The following CPAMD8 variants were observed in gnomAD, a reference collection of about 807,000 sequenced individuals.
The protein encoded by CPAMD8 is C3 and PZP like alpha-2-macroglobulin domain containing 8, also known as C3 and PZP-like alpha-2-macroglobulin domain-containing protein 8.
A neutral mutation model predicts 224.7 loss-of-function variants in CPAMD8; 146 were observed. The ratio of observed to expected loss-of-function variants is 0.65; its 90% CI spans 0.57 to 0.75. The LOEUF is 0.75. Among genes scored for constraint, CPAMD8 ranks in the 30% least tolerant of loss-of-function variants. CPAMD8 has a pLI of 0.00. For missense variants in CPAMD8, 2,301 were observed against 2,537.5 expected (o/e 0.91, Z 2.00); for synonymous variants, 966 against 1,044.6 (o/e 0.92, Z 1.45).
At chr19:16,961,595 G>T (rs757178999) in intron 18 of CPAMD8, among the ~76,000 whole-genome samples, 15 of 152,250 alleles carry the variant, frequency 9.9e-5, no homozygotes, top group Non-Finnish European at 1.6e-4. Flanking sequence ...GGGCATGGCT[G>T]AACAAAAGGC....
chr19:17,016,480 G>A lies in CPAMD8; in HGVS notation c.267+3851C>T, dbSNP rs1278715000. ...CTGACTCATAAGAAAGCAGATCTAG[G>A]CTGGGTGCAGTGGCTCACACCTGTA... On this transcript the variant is annotated intron_variant, in intron 3 of 41. Transcript: ENST00000443236. Among the ~76,000 whole-genome samples, 3 of 152,170 alleles carry A rather than the reference G, an allele frequency of 2.0e-5. No individual in the cohort carries two copies. The East Asian group carries it at 5.8e-4, about 29-fold the overall frequency.
intron 18 of CPAMD8, 116 bp downstream of exon 18, chr19:16,970,775 T>C: frequency 1.0e-6 from 1 of 965,910 alleles, no homozygotes; most frequent in Admixed American, 2.7e-5. Flanking sequence ...ATTTCAGTTG[T>C]TTATAAGCCA....
chr19:16,939,187 T>TTATCTATC (rs1180916316), intron 22 of CPAMD8, among the ~76,000 whole-genome samples: 1 of 84,634 alleles, frequency 1.2e-5, no homozygotes, highest in East Asian at 3.2e-4. Context: ...ATTTATTTAT[T>TTATCTATC]TATCTATCTA....
intron 18 of CPAMD8, among the ~76,000 whole-genome samples, chr19:16,967,186 G>A (rs2054855372): frequency 6.6e-6 from 1 of 152,078 alleles, no homozygotes; most frequent in Non-Finnish European, 1.5e-5. Flanking sequence ...CATGTCCTTT[G>A]CAGGGACATG....
rs1391377034 is a variant in CPAMD8, at chr19:16,903,859, T to C, written c.4252-2A>G. 1 of 1,612,896 alleles carries C rather than the reference T, an allele frequency of 6.2e-7. No individual in the cohort carries two copies. The highest frequency in any genetic ancestry group is 1.3e-5 in the African/African-American group (1 of 74,922). On this transcript the variant is annotated splice_acceptor_variant, in intron 32 of 41. Transcript: ENST00000443236. LOFTEE classifies it high-confidence loss of function. ...GGCCTGCAGAGCCACGCAGGTGTCC[T>C]GGGGATGGAGGAGGAGACGGCCATC...
chr19:16,993,543 G>A lies in CPAMD8; in HGVS notation c.1139C>T (p.Thr380Met), dbSNP rs183563770. The A allele has an allele frequency of 4.6e-5, 75 of 1,614,110 alleles. No homozygotes were observed. Among genetic ancestry groups the A allele is most frequent in the East Asian group, 2.9e-4 (13 of 44,880 alleles). Residue 380 changes from threonine to methionine, a missense_variant, in exon 12 of 42, where the codon ACG becomes ATG. Physicochemically the swap from Thr to Met is moderately conservative, Grantham distance 81. This residue lies in a region of CPAMD8 where 301 missense variants were observed against 406.6 expected (regional missense o/e 0.74). Transcript: ENST00000443236. ...TGTCAGCTCTGCCTTAATCTGGACCGTCACCCCCTCAGCTGGGCTGCCATC... is the reference window on the plus strand; with the variant it reads ...TGTCAGCTCTGCCTTAATCTGGACCATCACCCCCTCAGCTGGGCTGCCATC... ...YPDGSPAEGV[T>M]VQIKAELTPK... is the part of the protein sequence containing the mutation.
intron 39 of CPAMD8, 75 bp from the exon 40 acceptor site, chr19:16,896,740 G>A (rs1235250568): frequency 7.2e-6 from 8 of 1,109,268 alleles, no homozygotes; most frequent in Non-Finnish European, 9.5e-6. Context: ...TGGGGGTGGG[G>A]AAGATGTCCC....
At chr19:16,917,691 T>TGA (rs1257498191) in intron 27 of CPAMD8, among the ~76,000 whole-genome samples, 2 of 152,162 alleles carry the variant, frequency 1.3e-5, no homozygotes, top group African/African-American at 4.8e-5. Flanking sequence ...CTGTGAGCCC[T>TGA]GATTGTGCCA....
intron 30 of CPAMD8, among the ~76,000 whole-genome samples, 160 bp from the exon 31 acceptor site, chr19:16,904,712 G>A (rs1367568679): frequency 6.6e-6 from 1 of 152,332 alleles, no homozygotes; most frequent in East Asian, 1.9e-4. Context: ...GGGCCTTGGG[G>A]CTCCATCTCA....
chr19:17,000,377 G>T, intron 10 of CPAMD8, 37 bp downstream of exon 10: 1 of 800,294 alleles, frequency 1.2e-6, no homozygotes, highest in Non-Finnish European at 2.2e-6. Flanking sequence ...GAACCTGGGG[G>T]TTGGGTCAGG....
At position 16,914,499 on chromosome 19, in the gene CPAMD8, C is replaced by T. The variant is rs993485931; in HGVS notation, c.3787-1G>A. 5.6e-6 allele frequency: 9 copies of T among 1,614,112 alleles called. No individual in the cohort carries two copies. The highest frequency in any genetic ancestry group is 7.6e-6 in the Non-Finnish European group (9 of 1,179,952). ...GCGGGACAGTGCCGTGGATCCCACC[C>T]TGCAAGGGGACTCACAGGCCTCACC... On this transcript the variant is annotated splice_acceptor_variant, in intron 28 of 41. Coordinates refer to ENST00000443236, the MANE Select transcript of CPAMD8 (RefSeq NM_015692.5). LOFTEE classifies it high-confidence loss of function.
intron 5 of CPAMD8, 90 bp downstream of exon 5, chr19:17,011,374 G>T: frequency 7.3e-7 from 1 of 1,368,134 alleles, no homozygotes; most frequent in Non-Finnish European, 1.0e-6. Context: ...GAGAAGTTCT[G>T]GAGAGAAAGA....
At chr19:16,897,606 C>G in intron 39 of CPAMD8, 85 bp downstream of exon 39, 1 of 751,922 alleles carries the variant, frequency 1.3e-6, no homozygotes, top group Non-Finnish European at 2.1e-6. Flanking sequence ...GCCAAGCCCC[C>G]AGGGGAGCCC....
intron 27 of CPAMD8, among the ~76,000 whole-genome samples, chr19:16,916,734 G>A (rs2144855941): frequency 6.6e-6 from 1 of 152,032 alleles, no homozygotes; most frequent in African/African-American, 2.4e-5. Flanking sequence ...ATGAGACCCT[G>A]TCTCAGACAA....
At position 16,898,590 on chromosome 19, in the gene CPAMD8, C is replaced by G. The variant is rs1312041783; in HGVS notation, c.4849-596G>C. Among the ~76,000 whole-genome samples the G allele has an allele frequency of 6.6e-6, 1 of 152,082 alleles. No homozygotes were observed. Among genetic ancestry groups the G allele is most frequent in the African/African-American group, 2.4e-5 (1 of 41,422 alleles). On this transcript the variant is annotated intron_variant, in intron 37 of 41. Coordinates refer to ENST00000443236, the MANE Select transcript of CPAMD8 (RefSeq NM_015692.5). The surrounding 1 kb of genome is among the most constrained non-coding windows in gnomAD (Gnocchi z 4.2). ...GTTTCTTTCTCCCCCAAAGAAACCC[C>G]ATCGCCATCAGCACTCACTCCCCAC...
At chr19:16,904,189 A>G in intron 32 of CPAMD8, 37 bp downstream of exon 32, 6 of 285,332 alleles carry the variant, frequency 2.1e-5, no homozygotes, top group Non-Finnish European at 3.5e-5. Context: ...CCACCCACCC[A>G]GCCCTGAGCC....
At chr19:16,988,243 T>C (rs1356589170) in intron 13 of CPAMD8, among the ~76,000 whole-genome samples, 1 of 152,100 alleles carries the variant, frequency 6.6e-6, no homozygotes, top group Non-Finnish European at 1.5e-5. Context: ...CAGGTCTGGG[T>C]GCAGTGGTGC....
In CPAMD8 at chr19:16,906,348, TTCTTTCTTTC is replaced by T. The variant is rs1303478816; in HGVS notation, c.4027+594_4027+603del. 1.3e-3 allele frequency among the ~76,000 whole-genome samples: 47 copies of T among 35,830 alleles called. No individual in the cohort carries two copies. The South Asian group carries it at 0.021, about 16-fold the overall frequency. 23.5% of individuals were successfully genotyped at this position (35,830 alleles called of 152,430 possible). On this transcript the variant is annotated intron_variant, in intron 30 of 41. Coordinates refer to ENST00000443236, the MANE Select transcript of CPAMD8 (RefSeq NM_015692.5). ...TCCTTCCTTCTTTCCCTTTCTTTCTTTCTTTCTTTCTTTCTTTCTTTCTTTCTTTCTTTCT... is the reference window on the plus strand; with the variant it reads ...TCCTTCCTTCTTTCCCTTTCTTTCTTTTTCTTTCTTTCTTTCTTTCTTTCT...
At chr19:16,966,090 T>G (rs544098805) in intron 18 of CPAMD8, among the ~76,000 whole-genome samples, 1 of 152,296 alleles carries the variant, frequency 6.6e-6, no homozygotes, top group South Asian at 2.1e-4. Flanking sequence ...GAGTTCAAAC[T>G]ATACTACAAG....
Sources: allele counts gnomAD v4.1 joint callset (sites outside exome capture counted in the v4.1 genomes callset), GRCh38; gene constraint gnomAD v4.1.1; regional missense constraint gnomAD v4.1.1; non-coding constraint Gnocchi (gnomAD v3.1); transcripts MANE v1.5; gene names NCBI Gene and HGNC (gene_info 2026-07-23, HGNC 2026-07-21).